The following GPR39 variants were observed in gnomAD, a reference collection of about 807,000 sequenced individuals.
GPR39 encodes zinc sensing receptor.
In GPR39, 23 loss-of-function variants were observed where a neutral mutation model predicts 18.4. The ratio of observed to expected loss-of-function variants is 1.25; its 90% CI spans 0.90 to 1.77. The LOEUF is 1.77. GPR39 is among the 40% of genes most tolerant of loss of function. The pLI is 0.00. For synonymous variants in GPR39, 280 were observed against 257.9 expected (o/e 1.09, Z -0.82); for missense variants, 647 against 602.4 (o/e 1.07, Z -0.78).
In GPR39 at chr2:132,646,546, GTTAAATAGACTTATTTACATT is replaced by G. The variant is rs1158489001; in HGVS notation, c.*945_*965del. The G allele has an allele frequency of 5.6e-6, 2 of 355,472 alleles. No homozygotes were observed. Among genetic ancestry groups the G allele is most frequent in the Non-Finnish European group, 1.0e-5 (2 of 199,786 alleles). The allele number at this position is 355,472 out of a possible 1,614,324, so 22.0% of individuals were successfully genotyped here. A position where few individuals can be genotyped will look rare whatever the true frequency, so the allele number is the denominator to read the frequency against. ...TGTGAATACCTGTTAATAAAGAGCT[GTTAAATAGACTTATTTACATT>G]TTAAGTCAGAGTTCACACTGTGTAC... On this transcript the variant is annotated 3_prime_UTR_variant, in exon 2 of 2. Coordinates refer to ENST00000329321, the MANE Select transcript of GPR39 (RefSeq NM_001508.3).
intron 1 of GPR39, among the ~76,000 whole-genome samples, chr2:132,494,513 A>G (rs1681600432): frequency 1.3e-5 from 2 of 152,082 alleles, no homozygotes; most frequent in African/African-American, 4.8e-5. Context: ...CCCACAGGAG[A>G]ATTTTCGCTC....
rs1553462625 is a variant in GPR39, at chr2:132,646,569, T to TAA, written c.*964_*965dup. ...CTGTTAAATAGACTTATTTACATTTTAAGTCAGAGTTCACACTGTGTACAA... is the reference window on the plus strand; with the variant it reads ...CTGTTAAATAGACTTATTTACATTTTAAAAGTCAGAGTTCACACTGTGTACAA... On this transcript the variant is annotated 3_prime_UTR_variant, in exon 2 of 2. Coordinates refer to ENST00000329321, the MANE Select transcript of GPR39 (RefSeq NM_001508.3). 6.6e-6 allele frequency: 2 copies of TAA among 303,508 alleles called. No individual in the cohort carries two copies. Among genetic ancestry groups the TAA allele is most frequent in the Middle Eastern group, 9.2e-4 (1 of 1,090 alleles). The allele number at this position is 303,508 out of a possible 1,614,324, so 18.8% of individuals were successfully genotyped here.
chr2:132,622,909 C>T (rs2104861483), intron 1 of GPR39, among the ~76,000 whole-genome samples: 1 of 152,196 alleles, frequency 6.6e-6, no homozygotes, highest in South Asian at 2.1e-4. Context: ...GTCAGGAGTT[C>T]AAGAGCAGCC....
chr2:132,531,538 C>A (rs1435777268), intron 1 of GPR39, among the ~76,000 whole-genome samples: 2 of 152,230 alleles, frequency 1.3e-5, no homozygotes, highest in Non-Finnish European at 2.9e-5. Context: ...CACCCCAAAT[C>A]AACAGAATCT....
At chr2:132,588,122 A>G (rs774785031) in intron 1 of GPR39, among the ~76,000 whole-genome samples, 2 of 152,106 alleles carry the variant, frequency 1.3e-5, no homozygotes, top group Non-Finnish European at 2.9e-5. Flanking sequence ...AAAAGAAGGG[A>G]AAAGGTGTTT....
intron 1 of GPR39, among the ~76,000 whole-genome samples, chr2:132,562,972 A>T (rs1191833843): frequency 1.3e-5 from 2 of 152,214 alleles, no homozygotes; most frequent in African/African-American, 4.8e-5. Context: ...ATCCCTAAAA[A>T]AGCGGCATTA....
intron 1 of GPR39, among the ~76,000 whole-genome samples, chr2:132,492,957 T>TATATACACACC (rs1681526853): frequency 7.0e-6 from 1 of 143,066 alleles, no homozygotes; most frequent in African/African-American, 2.6e-5. Context: ...ATATACACCA[T>TATATACACACC]ATATATACAC....
chr2:132,587,545 C>T (rs571207471), intron 1 of GPR39, among the ~76,000 whole-genome samples: 1,789 of 152,044 alleles, frequency 0.012, 18 homozygotes, highest in Middle Eastern at 0.027. Context: ...TTTTTCTTTT[C>T]TTTTGAGATG....
rs141762446 is a variant in GPR39 at position 132,544,811 on chromosome 2, G to T, written c.857-100290G>T. On this transcript the variant is annotated intron_variant, in intron 1 of 1. Coordinates refer to ENST00000329321, the MANE Select transcript of GPR39 (RefSeq NM_001508.3). The stretch of plus-strand genomic sequence containing the variant: ...GAGGACAGACCACCTGAAGTTGGGT[G>T]GTCTGTCTCCCCGTGTGGCTGGGTC... 3.7e-4 allele frequency among the ~76,000 whole-genome samples: 56 copies of T among 152,256 alleles called. No homozygotes were observed. The East Asian group carries it at 9.3e-3, about 25-fold the overall frequency.
intron 1 of GPR39, among the ~76,000 whole-genome samples, chr2:132,424,089 C>T (rs1198465715): frequency 6.6e-6 from 1 of 152,128 alleles, no homozygotes; most frequent in Non-Finnish European, 1.5e-5. Flanking sequence ...TTTGCTTGCC[C>T]CTGAGCAAAT....
chr2:132,475,813 G>A (rs769404915), intron 1 of GPR39, among the ~76,000 whole-genome samples: 1 of 152,108 alleles, frequency 6.6e-6, no homozygotes, highest in Non-Finnish European at 1.5e-5. Context: ...GCAATTAGCT[G>A]GCTTGGTTTC....
At chr2:132,475,725 C>T (rs1040049047) in intron 1 of GPR39, among the ~76,000 whole-genome samples, 2 of 152,162 alleles carry the variant, frequency 1.3e-5, no homozygotes, top group African/African-American at 4.8e-5. Flanking sequence ...GTGCAGTTGG[C>T]CCTGAAGCTG....
chr2:132,633,338 CTGTGTGTGTGTGTGTGTGTGTGTG>C (rs55722602), intron 1 of GPR39, among the ~76,000 whole-genome samples: 2 of 139,104 alleles, frequency 1.4e-5, no homozygotes, highest in African/African-American at 2.7e-5. Flanking sequence ...CCAAATACCT[CTGTGTGTGTGTGTGTGTGTGTGTG>C]TGTGTGTGTG....
chr2:132,506,760 T>C (rs1488842686), intron 1 of GPR39, among the ~76,000 whole-genome samples: 1 of 152,110 alleles, frequency 6.6e-6, no homozygotes, highest in East Asian at 1.9e-4. Context: ...TCCCATGACA[T>C]GCGAGGATTA....
intron 1 of GPR39, among the ~76,000 whole-genome samples, chr2:132,513,353 C>A (rs1031695960): frequency 6.6e-6 from 1 of 152,096 alleles, no homozygotes; most frequent in African/African-American, 2.4e-5. Context: ...GTCCCAGCTA[C>A]TCAGGAGGCT....
At position 132,557,984 on chromosome 2, in the gene GPR39, G is replaced by T. The variant is rs142131238; in HGVS notation, c.857-87117G>T. ...TAAGGGTCAGCTGCACTGAGTGGTG[G>T]TGGTGGTGGGGTGGGGGTGGTCCTG... On this transcript the variant is annotated intron_variant, in intron 1 of 1. Coordinates refer to ENST00000329321, the MANE Select transcript of GPR39 (RefSeq NM_001508.3). 4.3e-3 allele frequency among the ~76,000 whole-genome samples: 653 copies of T among 151,514 alleles called. 2 individuals are homozygous for T. The highest frequency in any genetic ancestry group is 0.015 in the African/African-American group (605 of 41,288).
At chr2:132,486,171 T>C (rs1681334361) in intron 1 of GPR39, among the ~76,000 whole-genome samples, 1 of 152,210 alleles carries the variant, frequency 6.6e-6, no homozygotes, top group African/African-American at 2.4e-5. Flanking sequence ...GTATCAACAG[T>C]GGGCTTAAAA....
At chr2:132,618,325 T>G (rs1390715374) in intron 1 of GPR39, among the ~76,000 whole-genome samples, 1 of 152,234 alleles carries the variant, frequency 6.6e-6, no homozygotes, top group Non-Finnish European at 1.5e-5. Flanking sequence ...ATTTTCAAGT[T>G]GTACGTTCCC....
chr2:132,521,324 A>G (rs1388781820), intron 1 of GPR39, among the ~76,000 whole-genome samples: 1 of 152,232 alleles, frequency 6.6e-6, no homozygotes, highest in East Asian at 1.9e-4. Context: ...GGCAACTGGC[A>G]TTAACACCCT....
Sources: gnomAD v4.1 joint callset for allele counts (sites outside exome capture counted in the v4.1 genomes callset) on GRCh38, gnomAD v4.1.1 for gene constraint, MANE v1.5 for transcripts, NCBI Gene and HGNC (gene_info 2026-07-23, HGNC 2026-07-21) for gene names.